MGAT4C: variants seen among roughly 807,000 people sequenced by gnomAD.
MGAT4C encodes the protein alpha-1,3-mannosyl-glycoprotein 4-beta-N-acetylglucosaminyltransferase C.
A neutral mutation model predicts 40.1 loss-of-function variants in MGAT4C; 19 were observed. That is an observed-to-expected ratio of 0.47 (90% CI 0.33 to 0.70). The LOEUF (loss-of-function observed/expected upper bound fraction) is 0.70. MGAT4C is among the 30% of genes least tolerant of loss of function. The pLI is 0.02. For missense variants in MGAT4C, 491 were observed against 563.2 expected (o/e 0.87, Z 1.30); for synonymous variants, 181 against 187.1 (o/e 0.97, Z 0.27).
intron 1 of MGAT4C, among the ~76,000 whole-genome samples, chr12:86,834,612 C>CCACACACACACACACA (rs148269576): frequency 0.012 from 1,762 of 148,248 alleles, 17 homozygotes; most frequent in African/African-American, 0.02. Flanking sequence ...CCCCCAACCA[C>CCACACACACACACACA]CACACACACA....
At chr12:86,464,917 A>T (rs1957657764) in intron 2 of MGAT4C, among the ~76,000 whole-genome samples, 1 of 152,100 alleles carries the variant, frequency 6.6e-6, no homozygotes, top group South Asian at 2.1e-4. Context: ...ATGATATACT[A>T]TAAGATTCTT....
intron 2 of MGAT4C, among the ~76,000 whole-genome samples, chr12:86,627,007 C>A (rs557367398): frequency 1.3e-5 from 2 of 152,342 alleles, no homozygotes; most frequent in South Asian, 4.1e-4. Flanking sequence ...TATCGGGACA[C>A]TGCCACCTAA....
intron 2 of MGAT4C, among the ~76,000 whole-genome samples, chr12:86,624,790 G>A (rs4842785): frequency 0.91 from 138,746 of 152,066 alleles, 63,412 homozygotes; most frequent in Middle Eastern, 0.99. Context: ...TATGTATGGG[G>A]AAAAAAGCAC....
intron 1 of MGAT4C, among the ~76,000 whole-genome samples, chr12:86,056,264 T>C (rs896563917): frequency 1.1e-4 from 16 of 152,204 alleles, no homozygotes; most frequent in African/African-American, 3.6e-4. Context: ...CTTTACGTTC[T>C]AGGGTACACG....
At chr12:86,568,523 CAA>C (rs1401396875) in intron 2 of MGAT4C, among the ~76,000 whole-genome samples, 1 of 143,410 alleles carries the variant, frequency 7.0e-6, no homozygotes, top group Non-Finnish European at 1.5e-5. Context: ...TCATGTGAGT[CAA>C]TATTCCTTAA....
At chr12:86,806,949 T>C (rs1952368030) in intron 1 of MGAT4C, among the ~76,000 whole-genome samples, 1 of 151,824 alleles carries the variant, frequency 6.6e-6, no homozygotes, top group Non-Finnish European at 1.5e-5. Flanking sequence ...GGCACACGTA[T>C]ACATACGTAA....
In MGAT4C at chr12:86,343,688, T is replaced by G. The variant is rs143396831; in HGVS notation, c.-119-9561A>C. Reference sequence around the variant, plus strand: ...AGATACAACACTATGTATTACACTGTGTACACTTTCAAATATATCTTCATC... The same window carrying G: ...AGATACAACACTATGTATTACACTGGGTACACTTTCAAATATATCTTCATC... On this transcript the variant is annotated intron_variant, in intron 3 of 7. Coordinates refer to the MGAT4C transcript ENST00000548651. 6.0e-3 allele frequency among the ~76,000 whole-genome samples: 917 copies of G among 152,286 alleles called. 6 individuals are homozygous for G. The highest frequency in any genetic ancestry group is 0.021 in the African/African-American group (883 of 41,564).
At chr12:86,766,852 G>A (rs1951519852) in intron 1 of MGAT4C, among the ~76,000 whole-genome samples, 1 of 151,744 alleles carries the variant, frequency 6.6e-6, no homozygotes. Flanking sequence ...CAGAATCCCT[G>A]GGACACATTC....
rs546943875 is a variant in MGAT4C, at chr12:86,305,856, A to AT, written c.-57+28208dup. Among the ~76,000 whole-genome samples, 32 of 149,922 alleles carry AT rather than the reference A, an allele frequency of 2.1e-4. 1 individual carries two copies. The South Asian group carries it at 6.0e-3, about 28-fold the overall frequency. ...TGTTTTTTAATATTTTCAATCTGTG[A>AT]TTTGTTGAATCCAGGGATGCGATAT... On this transcript the variant is annotated intron_variant, in intron 4 of 7. Transcript: ENST00000548651.
intron 2 of MGAT4C, among the ~76,000 whole-genome samples, chr12:86,615,050 G>C (rs1962406266): frequency 1.3e-5 from 2 of 151,884 alleles, no homozygotes; most frequent in Non-Finnish European, 2.9e-5. Flanking sequence ...ACAATTGGCA[G>C]TATTACTGAA....
intron 1 of MGAT4C, among the ~76,000 whole-genome samples, chr12:86,123,222 T>A (rs1879717469): frequency 6.6e-6 from 1 of 152,100 alleles, no homozygotes; most frequent in Admixed American, 6.6e-5. Context: ...AGTTGTAGAA[T>A]CCATAAATAA....
intron 1 of MGAT4C, among the ~76,000 whole-genome samples, chr12:86,180,986 A>T (rs555350600): frequency 7.8e-4 from 118 of 152,138 alleles, no homozygotes; most frequent in Non-Finnish European, 2.1e-4. Flanking sequence ...CTCAACTTGA[A>T]TTTTTTCTCT....
At chr12:86,281,927 G>A (rs1953228735) in intron 4 of MGAT4C, among the ~76,000 whole-genome samples, 1 of 151,824 alleles carries the variant, frequency 6.6e-6, no homozygotes, top group Non-Finnish European at 1.5e-5. Context: ...TCATTTTATT[G>A]TTGCTTTTAT....
At chr12:86,544,711 G>C (rs1452672305) in intron 2 of MGAT4C, among the ~76,000 whole-genome samples, 1 of 152,026 alleles carries the variant, frequency 6.6e-6, no homozygotes, top group Non-Finnish European at 1.5e-5. Context: ...CTGTGGAACA[G>C]GGAATGGCTT....
At chr12:86,633,039 A>C (rs1963111112) in intron 2 of MGAT4C, among the ~76,000 whole-genome samples, 1 of 151,912 alleles carries the variant, frequency 6.6e-6, no homozygotes, top group South Asian at 2.1e-4. Flanking sequence ...TTTTATACAT[A>C]TATACCAAAT....
chr12:86,554,962 C>T (rs1379068768), intron 2 of MGAT4C, among the ~76,000 whole-genome samples: 5 of 151,982 alleles, frequency 3.3e-5, no homozygotes, highest in African/African-American at 1.2e-4. Context: ...TAGCTTATGG[C>T]CCCCTCCTCT....
chr12:86,542,090 C>T lies in MGAT4C; in HGVS notation c.-228-106825G>A, dbSNP rs1397829075. Among the ~76,000 whole-genome samples, 9 of 152,136 alleles carry T rather than the reference C, an allele frequency of 5.9e-5. 1 individual carries two copies. The highest frequency in any genetic ancestry group is 5.9e-4 in the Admixed American group (9 of 15,262). On this transcript the variant is annotated intron_variant, in intron 2 of 7. Transcript: ENST00000548651. ...CCTGTGGACTCCGAGTGAGAAGCACCAGTAACACCTGAAAACATGTTACAC... is the reference window on the plus strand; with the variant it reads ...CCTGTGGACTCCGAGTGAGAAGCACTAGTAACACCTGAAAACATGTTACAC...
In MGAT4C at chr12:85,958,353, C is replaced by G. The variant is rs1882929959; in HGVS notation, c.*20936G>C. 6.6e-6 allele frequency: 1 copy of G among 152,120 alleles called. No individual in the cohort carries two copies. Among genetic ancestry groups the G allele is most frequent in the Non-Finnish European group, 1.5e-5 (1 of 68,026 alleles). 9.4% of individuals were successfully genotyped at this position (152,120 alleles called of 1,614,324 possible). ...GTACCGGGATTACAGGCATGAGCCA[C>G]CACGCCTGGCCAGTTTTTAAAGTAT... On this transcript the variant is annotated 3_prime_UTR_variant, in exon 5 of 5. Transcript: ENST00000611864.
chr12:86,772,942 T>G (rs1279301397), intron 1 of MGAT4C, among the ~76,000 whole-genome samples: 1 of 152,072 alleles, frequency 6.6e-6, no homozygotes, highest in African/African-American at 2.4e-5. Flanking sequence ...GATTTGTGAC[T>G]TAGAGTTGAT....
Sources: gnomAD v4.1 joint callset for allele counts (sites outside exome capture counted in the v4.1 genomes callset) on GRCh38, gnomAD v4.1.1 for gene constraint, MANE v1.5 for transcripts, NCBI Gene and HGNC (gene_info 2026-07-23, HGNC 2026-07-21) for gene names.